The following RBFOX1 variants were observed in gnomAD, a reference collection of about 807,000 sequenced individuals.
RBFOX1 encodes the protein RNA binding protein fox-1 homolog 1.
Under a neutral mutation model 57.7 loss-of-function variants are expected in RBFOX1, and 8 were observed. The observed-to-expected ratio is 0.14, with a 90% confidence interval of 0.08 to 0.25. RBFOX1 has a LOEUF of 0.25. Among genes scored for constraint, RBFOX1 ranks in the 10% least tolerant of loss-of-function variants. The probability of loss-of-function intolerance (pLI) is 1.00; values close to 1 mark genes in which losing one functional copy is unlikely to be tolerated. For synonymous variants in RBFOX1, 326 were observed against 222.4 expected (o/e 1.47, Z -4.15); for missense variants, 611 against 548.5 (o/e 1.11, Z -1.14).
intron 3 of RBFOX1, among the ~76,000 whole-genome samples, chr16:6,901,580 A>T (rs1336857121): frequency 6.6e-6 from 1 of 152,212 alleles, no homozygotes; most frequent in Non-Finnish European, 1.5e-5. Flanking sequence ...CAACTCCTCA[A>T]TTATGCTGTG....
At chr16:7,696,780 C>G (rs1398287983) in intron 14 of RBFOX1, among the ~76,000 whole-genome samples, 1 of 152,088 alleles carries the variant, frequency 6.6e-6, no homozygotes, top group African/African-American at 2.4e-5. Context: ...AGGTGCAATG[C>G]TATTTTAGAC....
intron 4 of RBFOX1, among the ~76,000 whole-genome samples, chr16:7,365,042 G>A (rs375961057): frequency 2.0e-4 from 30 of 152,158 alleles, no homozygotes; most frequent in East Asian, 5.8e-4. Flanking sequence ...CCGTCTGTCC[G>A]TCGTCTATCA....
chr16:7,523,628 A>G (rs2078004436), intron 5 of RBFOX1, among the ~76,000 whole-genome samples: 1 of 152,202 alleles, frequency 6.6e-6, no homozygotes, highest in Non-Finnish European at 1.5e-5. Context: ...TTTAAAGGAA[A>G]GACAGCCATT....
At chr16:5,636,627 G>C (rs983531340) in intron 3 of RBFOX1, among the ~76,000 whole-genome samples, 1 of 152,152 alleles carries the variant, frequency 6.6e-6, no homozygotes, top group African/African-American at 2.4e-5. Context: ...ATAGCAGCTT[G>C]ACAGCCAACT....
intron 3 of RBFOX1, among the ~76,000 whole-genome samples, chr16:5,652,983 G>A (rs943107369): frequency 1.3e-5 from 2 of 152,260 alleles, no homozygotes. Context: ...TCAACCTGCT[G>A]AGCTGCTGTG....
intron 3 of RBFOX1, among the ~76,000 whole-genome samples, chr16:6,905,396 T>C (rs1241555470): frequency 1.3e-5 from 2 of 151,812 alleles, no homozygotes; most frequent in Non-Finnish European, 2.9e-5. Flanking sequence ...CTACTAAAAA[T>C]ACAAAAATTA....
rs1296810882 is a variant in RBFOX1, at chr16:6,361,600, C to G, written c.-64+44543C>G. On this transcript the variant is annotated intron_variant, in intron 2 of 15. Transcript: ENST00000550418. Reference sequence around the variant, plus strand: ...CCAAGATCGCGCCACTGCATTCCAGCCTGGGTGACACATTGAGACTCTGTC... The same window carrying G: ...CCAAGATCGCGCCACTGCATTCCAGGCTGGGTGACACATTGAGACTCTGTC... 6.0e-5 allele frequency among the ~76,000 whole-genome samples: 9 copies of G among 150,478 alleles called. No individual in the cohort carries two copies. The East Asian group carries it at 1.6e-3, about 27-fold the overall frequency.
intron 1 of RBFOX1, among the ~76,000 whole-genome samples, chr16:6,269,342 G>T (rs929440880): frequency 3.9e-5 from 6 of 152,064 alleles, no homozygotes; most frequent in Admixed American, 1.3e-4. Context: ...TGTGGATATA[G>T]AACCCATGGA....
At chr16:7,648,536 T>A (rs997780971) in intron 11 of RBFOX1, among the ~76,000 whole-genome samples, 2 of 152,224 alleles carry the variant, frequency 1.3e-5, no homozygotes, top group African/African-American at 4.8e-5. Context: ...AAAATTCTTC[T>A]AATAAAGATG....
chr16:7,662,216 A>G (rs1340693590), intron 12 of RBFOX1, among the ~76,000 whole-genome samples: 2 of 152,218 alleles, frequency 1.3e-5, no homozygotes, highest in Middle Eastern at 3.2e-3. Flanking sequence ...TTTAGAAGTC[A>G]TTATTTCCCA....
intron 3 of RBFOX1, among the ~76,000 whole-genome samples, chr16:6,924,603 C>G (rs750311906): frequency 6.6e-6 from 1 of 152,032 alleles, no homozygotes; most frequent in African/African-American, 2.4e-5. Flanking sequence ...ATTTCTTCAC[C>G]TGCAAAATAA....
intron 3 of RBFOX1, among the ~76,000 whole-genome samples, chr16:7,031,886 T>C (rs2042894709): frequency 6.6e-6 from 1 of 152,180 alleles, no homozygotes; most frequent in Admixed American, 6.6e-5. Context: ...GCCTTCTAAC[T>C]GATCTCTCCC....
rs56112217 is a variant in RBFOX1, at chr16:6,445,965, A to ATTT, written c.-64+128915_-64+128917dup. Among the ~76,000 whole-genome samples, 223 of 150,774 alleles carry ATTT rather than the reference A, an allele frequency of 1.5e-3. 1 individual carries two copies. The highest frequency in any genetic ancestry group is 4.5e-3 in the African/African-American group (186 of 41,058). ...AGAGTAGGTCCTTTCACTTTTTTAAATTTTTTTTTATTTTTTAGGGATAGG... is the reference window on the plus strand; with the variant it reads ...AGAGTAGGTCCTTTCACTTTTTTAAATTTTTTTTTTTTATTTTTTAGGGATAGG... On this transcript the variant is annotated intron_variant, in intron 2 of 15. Coordinates refer to ENST00000550418, the MANE Select transcript of RBFOX1 (RefSeq NM_018723.4).
intron 4 of RBFOX1, among the ~76,000 whole-genome samples, chr16:7,153,318 A>G (rs1410195406): frequency 1.3e-5 from 2 of 152,126 alleles, no homozygotes; most frequent in African/African-American, 4.8e-5. Context: ...ATTTCATTTG[A>G]TAAACATGAT....
intron 9 of RBFOX1, among the ~76,000 whole-genome samples, chr16:7,604,312 G>A (rs527882268): frequency 2.0e-5 from 3 of 152,128 alleles, no homozygotes; most frequent in African/African-American, 4.8e-5. Flanking sequence ...GTTTAGAAGG[G>A]ATCAAGGATG....
At chr16:6,965,846 T>C (rs2084020267) in intron 3 of RBFOX1, among the ~76,000 whole-genome samples, 1 of 151,564 alleles carries the variant, frequency 6.6e-6, no homozygotes, top group Non-Finnish European at 1.5e-5. Context: ...GTCGCATCCA[T>C]GGGGATAAGG....
chr16:7,211,235 C>G (rs1171267407), intron 4 of RBFOX1, among the ~76,000 whole-genome samples: 3 of 151,524 alleles, frequency 2.0e-5, no homozygotes, highest in East Asian at 1.9e-4. Flanking sequence ...ACTAAAAACA[C>G]AAAGAAATTA....
At chr16:6,222,475 A>AT (rs2097381221) in intron 1 of RBFOX1, among the ~76,000 whole-genome samples, 3 of 151,736 alleles carry the variant, frequency 2.0e-5, no homozygotes, top group Non-Finnish European at 4.4e-5. Context: ...CAATTGCATC[A>AT]TGACCATGAG....
chr16:6,723,016 C>T (rs1056774258), intron 3 of RBFOX1, among the ~76,000 whole-genome samples: 1 of 152,122 alleles, frequency 6.6e-6, no homozygotes, highest in Non-Finnish European at 1.5e-5. Flanking sequence ...TAGCTCCCAT[C>T]AGAGATAAGT....
Sources: gnomAD v4.1 joint callset for allele counts (sites outside exome capture counted in the v4.1 genomes callset) on GRCh38, gnomAD v4.1.1 for gene constraint, MANE v1.5 for transcripts, NCBI Gene and HGNC (gene_info 2026-07-23, HGNC 2026-07-21) for gene names.